Variants in ANKRD33B observed in about 807,000 individuals in gnomAD.
The protein encoded by ANKRD33B is ankyrin repeat domain 33B.
Under a neutral mutation model 21.5 loss-of-function variants are expected in ANKRD33B, and 6 were observed. That is an observed-to-expected ratio of 0.28 (90% CI 0.15 to 0.55). The LOEUF (loss-of-function observed/expected upper bound fraction) is 0.55, where lower values mean the gene tolerates loss of function less well. Ranked by LOEUF, ANKRD33B falls within the 20% of genes least tolerant of loss-of-function variation. ANKRD33B has a pLI of 0.94. For synonymous variants in ANKRD33B, 347 were observed against 342.4 expected (o/e 1.01, Z -0.15); for missense variants, 698 against 747.2 (o/e 0.93, Z 0.77).
At chr5:10,608,653 CCTCA>C (rs1317053118) in intron 1 of ANKRD33B, among the ~76,000 whole-genome samples, 5 of 137,188 alleles carry the variant, frequency 3.6e-5, no homozygotes, top group Non-Finnish European at 7.8e-5. Flanking sequence ...GGATTCAAGA[CCTCA>C]CTATGAAAAA....
intron 1 of ANKRD33B, among the ~76,000 whole-genome samples, chr5:10,572,726 A>C (rs894586722): frequency 6.6e-6 from 1 of 152,114 alleles, no homozygotes. Flanking sequence ...TGCCACTATG[A>C]ATGCACTTAA....
rs1435937207 is a variant in ANKRD33B at position 10,564,613 on chromosome 5, C to T, written c.146C>T (p.Thr49Ile). Residue 49 changes from threonine to isoleucine, a missense_variant, in exon 1 of 4, where the codon ACC becomes ATC. Thr to Ile is a moderately conservative substitution (Grantham distance 89). Transcript: ENST00000296657. ...EFEDFSSLPD[T>I]RSIASDDSFY... Reference sequence around the variant, plus strand: ...GAGGACTTCTCGAGTCTGCCAGACACCCGCAGCATCGCCTCGGACGACTCT... The same window carrying T: ...GAGGACTTCTCGAGTCTGCCAGACATCCGCAGCATCGCCTCGGACGACTCT... The T allele has an allele frequency of 2.6e-6, 4 of 1,534,984 alleles. No individual in the cohort carries two copies. The highest frequency in any genetic ancestry group is 2.6e-6 in the Non-Finnish European group (3 of 1,146,652).
intron 1 of ANKRD33B, among the ~76,000 whole-genome samples, chr5:10,606,537 C>A (rs1030929200): frequency 2.6e-5 from 4 of 152,018 alleles, no homozygotes; most frequent in African/African-American, 7.2e-5. Flanking sequence ...AGATCGAGAC[C>A]ATCCTGGCCA....
chr5:10,624,898 GC>G (rs1429498441), intron 2 of ANKRD33B: 1 of 431,686 alleles, frequency 2.3e-6, no homozygotes, highest in Non-Finnish European at 4.6e-6. Context: ...CTGGGGTGGG[GC>G]CCAAGAATGA....
rs992850130 is a variant in ANKRD33B at position 10,650,199 on chromosome 5, C to T, written c.*86C>T. 1 of 1,333,816 alleles carries T rather than the reference C, an allele frequency of 7.5e-7. No homozygotes were observed. The highest frequency in any genetic ancestry group is 9.7e-7 in the Non-Finnish European group (1 of 1,027,618). 82.6% of individuals were successfully genotyped at this position (1,333,816 alleles called of 1,614,324 possible). ...CGCGGAGAAGGAGGCGGCCCCGTTG[C>T]GCATCGCACCACTTCCGCTCCATGG... On this transcript the variant is annotated 3_prime_UTR_variant, in exon 4 of 4. Coordinates refer to ENST00000296657, the MANE Select transcript of ANKRD33B (RefSeq NM_001164440.2).
intron 1 of ANKRD33B, among the ~76,000 whole-genome samples, chr5:10,612,867 A>G (rs1205524320): frequency 6.6e-6 from 1 of 152,258 alleles, no homozygotes; most frequent in Non-Finnish European, 1.5e-5. Flanking sequence ...TTTTAGAAAT[A>G]TAGTAGCTCT....
chr5:10,603,874 T>A (rs1735983035), intron 1 of ANKRD33B, among the ~76,000 whole-genome samples: 1 of 151,990 alleles, frequency 6.6e-6, no homozygotes, highest in South Asian at 2.1e-4. Flanking sequence ...TTAAACTTTT[T>A]AAAATAATTT....
Position 10,564,360 on chromosome 5 carries a change from C to G in ANKRD33B, c.-108C>G. 1 of 800,330 alleles carries G rather than the reference C, an allele frequency of 1.2e-6. No homozygotes were observed. The highest frequency in any genetic ancestry group is 1.5e-6 in the Non-Finnish European group (1 of 656,450). 49.6% of individuals were successfully genotyped at this position (800,330 alleles called of 1,614,324 possible). On this transcript the variant is annotated 5_prime_UTR_variant, in exon 1 of 4. Transcript: ENST00000296657. ...CCGCCGAGCTGGAGCGCGCGGGCCA[C>G]GGCTTCTCTGGGGACGCAGAAGCGA...
chr5:10,595,947 C>A (rs1480085874), intron 1 of ANKRD33B, among the ~76,000 whole-genome samples: 1 of 152,164 alleles, frequency 6.6e-6, no homozygotes, highest in African/African-American at 2.4e-5. Flanking sequence ...CCTGGAATTA[C>A]GTGTCCCAGG....
chr5:10,650,092 G>T lies in ANKRD33B; in HGVS notation c.1464G>T (p.Ala488=), dbSNP rs1737306613. The change falls in exon 4 of 4, where the codon GCG becomes GCT. Residue 488 remains alanine, a synonymous_variant. Transcript: ENST00000296657. The stretch of plus-strand genomic sequence containing the variant: ...AGGCGCAGAAGGAGAGGCGCACTGC[G>T]CCCTGGAAGAAGAGGACGTGAGGGC... ...QAEAQKERRT[A]PWKKRT 8 of 1,526,116 alleles carry T rather than the reference G, an allele frequency of 5.2e-6. No homozygotes were observed. Among genetic ancestry groups the T allele is most frequent in the Non-Finnish European group, 7.0e-6 (8 of 1,141,132 alleles). The allele number at this position is 1,526,116 out of a possible 1,614,324, so 94.5% of individuals were successfully genotyped here.
Position 10,650,448 on chromosome 5 carries a change from T to C in ANKRD33B, c.*335T>C. The stretch of plus-strand genomic sequence containing the variant: ...CGTAATTTTGTATTTTTAATCATTA[T>C]TTATCAAATTTGCAACGTTTTACAA... On this transcript the variant is annotated 3_prime_UTR_variant, in exon 4 of 4. Coordinates refer to ENST00000296657, the MANE Select transcript of ANKRD33B (RefSeq NM_001164440.2). The C allele has an allele frequency of 5.6e-6, 1 of 178,106 alleles. No homozygotes were observed. 11.0% of individuals were successfully genotyped at this position (178,106 alleles called of 1,614,324 possible). A position where few individuals can be genotyped will look rare whatever the true frequency, so the allele number is the denominator to read the frequency against.
chr5:10,612,214 TATAGCA>T (rs1431504043), intron 1 of ANKRD33B, among the ~76,000 whole-genome samples: 1 of 152,246 alleles, frequency 6.6e-6, no homozygotes, highest in East Asian at 1.9e-4. Flanking sequence ...TTTAGGCTGC[TATAGCA>T]AAATACAGTA....
chr5:10,587,128 C>T (rs1050890342), intron 1 of ANKRD33B, among the ~76,000 whole-genome samples: 4 of 152,166 alleles, frequency 2.6e-5, no homozygotes, highest in Non-Finnish European at 1.5e-5. Context: ...AATTCTCCCA[C>T]CTCAGCCTCC....
intron 2 of ANKRD33B, among the ~76,000 whole-genome samples, chr5:10,635,141 C>T (rs1284039420): frequency 6.6e-6 from 1 of 152,124 alleles, no homozygotes; most frequent in Non-Finnish European, 1.5e-5. Flanking sequence ...TTTCCTCTTT[C>T]CACCTGTTCA....
chr5:10,640,637 C>A (rs1737027127), intron 3 of ANKRD33B, among the ~76,000 whole-genome samples: 1 of 152,226 alleles, frequency 6.6e-6, no homozygotes, highest in Non-Finnish European at 1.5e-5. Context: ...TTACTTAATT[C>A]TGTTATTTTA....
intron 3 of ANKRD33B, among the ~76,000 whole-genome samples, 200 bp downstream of exon 3, chr5:10,638,368 C>T (rs1192041702): frequency 6.6e-6 from 1 of 152,262 alleles, no homozygotes; most frequent in African/African-American, 2.4e-5. Flanking sequence ...CTTCAGGACA[C>T]CCCTTTCTGC....
In ANKRD33B at chr5:10,586,485, CTGTGTGTGTGTGTGTGTGTG is replaced by C. The variant is rs55940283; in HGVS notation, c.366+21682_366+21701del. Among the ~76,000 whole-genome samples, 102 of 140,512 alleles carry C rather than the reference CTGTGTGTGTGTGTGTGTGTG, an allele frequency of 7.3e-4. 2 individuals carry two copies. The East Asian group carries it at 0.015, about 21-fold the overall frequency. 92.2% of individuals were successfully genotyped at this position (140,512 alleles called of 152,430 possible). A position where few individuals can be genotyped will look rare whatever the true frequency, so the allele number is the denominator to read the frequency against. On this transcript the variant is annotated intron_variant, in intron 1 of 3. Transcript: ENST00000296657. ...TACGATGTGCGTTGGGTTCTTGTAA[CTGTGTGTGTGTGTGTGTGTG>C]TGTGTGTGTGTGTGTGTGTGTGTGT...
chr5:10,581,413 C>G (rs1735441437), intron 1 of ANKRD33B, among the ~76,000 whole-genome samples: 2 of 152,334 alleles, frequency 1.3e-5, no homozygotes, highest in East Asian at 1.9e-4. Flanking sequence ...CACCGTGGCT[C>G]CTAGGAACTG....
intron 1 of ANKRD33B, 102 bp downstream of exon 1, chr5:10,564,935 C>T (rs1308564456): frequency 1.4e-6 from 2 of 1,386,350 alleles, no homozygotes; most frequent in Non-Finnish European, 1.9e-6. Context: ...CGGACCGGTC[C>T]CTCGGTCACT....
Sources: gnomAD v4.1 joint callset for allele counts (sites outside exome capture counted in the v4.1 genomes callset) on GRCh38, gnomAD v4.1.1 for gene constraint, MANE v1.5 for transcripts, NCBI Gene and HGNC (gene_info 2026-07-23, HGNC 2026-07-21) for gene names.